The following ITGA2 variants were observed in gnomAD, a reference collection of about 807,000 sequenced individuals.
ITGA2 encodes the protein integrin alpha-2.
In ITGA2, 101 loss-of-function variants were observed where a neutral mutation model predicts 146.3. That is an observed-to-expected ratio of 0.69 (90% CI 0.59 to 0.81). The LOEUF is 0.81. ITGA2 is among the 40% of genes least tolerant of loss of function. ITGA2 has a pLI of 0.00. For missense variants in ITGA2, 1,281 were observed against 1,402.7 expected (o/e 0.91, Z 1.39); for synonymous variants, 477 against 487.1 (o/e 0.98, Z 0.27).
intron 2 of ITGA2, among the ~76,000 whole-genome samples, chr5:53,028,695 G>A (rs1743072804): frequency 4.6e-5 from 7 of 152,182 alleles, no homozygotes; most frequent in Admixed American, 4.6e-4. Context: ...TGAACTGGGA[G>A]AACACAAGTA....
chr5:53,048,781 C>T lies in ITGA2; in HGVS notation c.630+11C>T. 6.2e-7 allele frequency: 1 copy of T among 1,613,230 alleles called. No homozygotes were observed. The highest frequency in any genetic ancestry group is 8.5e-7 in the Non-Finnish European group (1 of 1,179,356). ...CCCACAAAGACACAGGTATGGCTAA[C>T]AGAAATGCATAACTAACTTATGGCT... is the stretch of plus-strand genomic sequence containing the variant. On this transcript the variant is annotated intron_variant, in intron 6 of 29. Transcript: ENST00000296585.
chr5:53,012,416 A>G (rs1044436617), intron 1 of ITGA2, among the ~76,000 whole-genome samples: 1 of 152,174 alleles, frequency 6.6e-6, no homozygotes. Context: ...TTTTTGGAGA[A>G]GGAAGAAATG....
chr5:53,083,287 T>G, intron 26 of ITGA2, 53 bp from the exon 27 acceptor site: 1 of 1,161,374 alleles, frequency 8.6e-7, no homozygotes, highest in South Asian at 1.2e-5. Context: ...AGCATTTATT[T>G]TTTAACTCTT....
At chr5:53,066,111 G>A in intron 15 of ITGA2, 134 bp downstream of exon 15, 1 of 871,140 alleles carries the variant, frequency 1.1e-6, no homozygotes, top group Non-Finnish European at 1.9e-6. Flanking sequence ...ATCATAGTTT[G>A]CACAAAGGAA....
At chr5:53,031,732 A>C (rs1349031046) in intron 2 of ITGA2, among the ~76,000 whole-genome samples, 4 of 151,992 alleles carry the variant, frequency 2.6e-5, no homozygotes, top group Non-Finnish European at 5.9e-5. Flanking sequence ...AAACAAGCTG[A>C]CCTCCCAAGT....
chr5:53,000,479 A>G (rs1741506512), intron 1 of ITGA2, among the ~76,000 whole-genome samples: 1 of 152,156 alleles, frequency 6.6e-6, no homozygotes, highest in African/African-American at 2.4e-5. Context: ...TGATTATCCT[A>G]TAATTCTTTA....
chr5:53,031,357 G>T (rs1743213703), intron 2 of ITGA2, among the ~76,000 whole-genome samples: 1 of 152,150 alleles, frequency 6.6e-6, no homozygotes, highest in Admixed American at 6.5e-5. Flanking sequence ...TTCTGAAGCT[G>T]TCATTTTGGT....
At chr5:53,066,065 C>A in intron 15 of ITGA2, 88 bp downstream of exon 15, 1 of 1,202,868 alleles carries the variant, frequency 8.3e-7, no homozygotes, top group Non-Finnish European at 1.2e-6. Context: ...TATAGAAATG[C>A]CACATGCATT....
chr5:53,062,970 G>C (rs1459817979), intron 13 of ITGA2, 41 bp downstream of exon 13: 1 of 1,525,286 alleles, frequency 6.6e-7, no homozygotes, highest in Non-Finnish European at 9.0e-7. Flanking sequence ...ATTTGCTTTA[G>C]TACTGGTAAT....
rs545061050 is a variant in ITGA2 at position 53,055,665 on chromosome 5, A to G, written c.907A>G (p.Asn303Asp). ...TGTGATTGATCAATGCAACCATGACAATATACTGAGGTTTGGCATAGCAGT... is the reference window on the plus strand; with the variant it reads ...TGTGATTGATCAATGCAACCATGACGATATACTGAGGTTTGGCATAGCAGT... ...KAVIDQCNHD[N>D]ILRFGIAVLG... The change falls in exon 8 of 30, where the codon AAT (asparagine) becomes GAT (aspartate). Residue 303 changes from asparagine to aspartate, a missense_variant. Asn to Asp is a conservative substitution (Grantham distance 23). Transcript: ENST00000296585. 6 of 1,613,330 alleles carry G rather than the reference A, an allele frequency of 3.7e-6. No homozygotes were observed. The highest frequency in any genetic ancestry group is 1.3e-5 in the African/African-American group (1 of 74,996).
At chr5:53,059,749 A>G in intron 10 of ITGA2, 125 bp from the exon 11 acceptor site, 1 of 909,670 alleles carries the variant, frequency 1.1e-6, no homozygotes, top group Non-Finnish European at 1.7e-6. Flanking sequence ...ATGTCAATAT[A>G]TGTTCATATA....
intron 1 of ITGA2, among the ~76,000 whole-genome samples, chr5:53,019,418 G>A (rs987556114): frequency 3.3e-5 from 5 of 152,212 alleles, no homozygotes; most frequent in East Asian, 1.9e-4. Context: ...GATGTGAATC[G>A]TCCCTTTGTC....
Position 53,065,910 on chromosome 5 carries a change from G to A in ITGA2, c.1876G>A (p.Gly626Arg). 6.2e-7 allele frequency: 1 copy of A among 1,612,214 alleles called. No individual in the cohort carries two copies. Among genetic ancestry groups the A allele is most frequent in the Non-Finnish European group, 8.5e-7 (1 of 1,178,804 alleles). ...CTTTGGGAGGTCCTTGGATGGCTAT[G>A]GAGATTTAAATGGGGATTCCATCAC... ...QYFGRSLDGY[G>R]DLNGDSITDV... Residue 626 changes from glycine to arginine, a missense_variant, in exon 15 of 30, where the codon GGA (glycine) becomes AGA (arginine). Gly to Arg is a moderately radical substitution (Grantham distance 125). Coordinates refer to ENST00000296585, the MANE Select transcript of ITGA2 (RefSeq NM_002203.4).
intron 1 of ITGA2, among the ~76,000 whole-genome samples, chr5:53,018,398 G>A (rs1742503438): frequency 6.6e-6 from 1 of 152,124 alleles, no homozygotes; most frequent in Admixed American, 6.5e-5. Flanking sequence ...GGCAGGAGCA[G>A]GCCACTCCTC....
chr5:53,019,172 G>T (rs1279574936), intron 1 of ITGA2, among the ~76,000 whole-genome samples: 1 of 151,918 alleles, frequency 6.6e-6, no homozygotes, highest in African/African-American at 2.4e-5. Flanking sequence ...AAAATAAGTT[G>T]AATTATTTAA....
intron 17 of ITGA2, among the ~76,000 whole-genome samples, chr5:53,071,374 A>G (rs2111993955): frequency 6.6e-6 from 1 of 152,036 alleles, no homozygotes; most frequent in East Asian, 1.9e-4. Flanking sequence ...AAAGTTTAAA[A>G]AAACAAAATC....
At position 53,005,121 on chromosome 5, in the gene ITGA2, G is replaced by C. The variant is rs549319225; in HGVS notation, c.64+15589G>C. On this transcript the variant is annotated intron_variant, in intron 1 of 29. Coordinates refer to ENST00000296585, the MANE Select transcript of ITGA2 (RefSeq NM_002203.4). ...ACACTTTAGAGTTTGAAGTCTATTT[G>C]CTTAGGTTCAGAGTCAGGGTCTGAG... is the stretch of plus-strand genomic sequence containing the variant. Among the ~76,000 whole-genome samples, 147 of 151,876 alleles carry C rather than the reference G, an allele frequency of 9.7e-4. 2 individuals are homozygous for C. The South Asian group carries it at 0.028, about 29-fold the overall frequency.
chr5:53,051,787 A>G (rs3212679), intron 7 of ITGA2, among the ~76,000 whole-genome samples: 322 of 152,330 alleles, frequency 2.1e-3, no homozygotes, highest in Middle Eastern at 6.8e-3. Flanking sequence ...AAGATATCAC[A>G]TGATATTTAA....
chr5:53,033,752 C>A (rs1204048841), intron 2 of ITGA2, among the ~76,000 whole-genome samples: 2 of 145,756 alleles, frequency 1.4e-5, no homozygotes, highest in Middle Eastern at 3.5e-3. Context: ...CATGTGCCAC[C>A]ATACTAGGCT....
Sources: gnomAD v4.1 joint callset for allele counts (sites outside exome capture counted in the v4.1 genomes callset) on GRCh38, gnomAD v4.1.1 for gene constraint, MANE v1.5 for transcripts, NCBI Gene and HGNC (gene_info 2026-07-23, HGNC 2026-07-21) for gene names.